Variants in CENPI observed in about 807,000 individuals in gnomAD.
The protein encoded by CENPI is FSH primary response 1.
A neutral mutation model predicts 60.4 loss-of-function variants in CENPI; 4 were observed. The observed-to-expected ratio is 0.07, with a 90% CI of 0.03 to 0.15. The LOEUF (loss-of-function observed/expected upper bound fraction) is 0.15. Among genes scored for constraint, CENPI ranks in the 10% least tolerant of loss-of-function variants. The probability of loss-of-function intolerance (pLI) is 1.00; values close to 1 mark genes in which losing one functional copy is unlikely to be tolerated. For synonymous variants in CENPI, 157 were observed against 189.4 expected, an observed-to-expected ratio of 0.83 and a Z score of 1.40; for missense variants, 444 against 534.5, an observed-to-expected ratio of 0.83 and a Z score of 1.67.
chrX:101,163,137 T>A lies in CENPI; in HGVS notation c.*170T>A. 1 of 460,731 alleles carries A rather than the reference T, an allele frequency of 2.2e-6. No homozygotes were observed. 38.0% of individuals were successfully genotyped at this position (460,731 alleles called of 1,213,427 possible). On this transcript the variant is annotated 3_prime_UTR_variant, in exon 22 of 22. Transcript: ENST00000682095. ...TTAGGAGAGCCTTGGTGTGCCTAAC[T>A]GATTTTTCAAAATTTAGATTTTTTT... is the stretch of plus-strand genomic sequence containing the variant.
chrX:101,168,785 C>T (rs2090150298), downstream of CENPI, among the ~76,000 whole-genome samples: 2 of 111,642 alleles, frequency 1.8e-5, no homozygotes, highest in Non-Finnish European at 3.8e-5. Context: ...AGCCACATCA[C>T]CAAATAAGTG....
chrX:101,098,328 A>G (rs1204951489), intron 1 of CENPI, 80 bp downstream of exon 1: 1 of 112,120 alleles, frequency 8.9e-6, no homozygotes, highest in African/African-American at 3.2e-5. Context: ...CTATCCTGCA[A>G]GGTGTGACTG....
intron 6 of CENPI, among the ~76,000 whole-genome samples, chrX:101,119,444 G>A (rs979653838): frequency 8.9e-6 from 1 of 111,899 alleles, no homozygotes; most frequent in Non-Finnish European, 1.9e-5. Flanking sequence ...TAAAGGGATA[G>A]GTAGTAAATA....
chrX:101,128,986 T>G, intron 12 of CENPI, 150 bp downstream of exon 12: 1 of 500,943 alleles, frequency 2.0e-6, no homozygotes, highest in Non-Finnish European at 3.2e-6. Context: ...GTTGTAATTT[T>G]AAGGCAGTAA....
chrX:101,126,466 T>A lies in CENPI; in HGVS notation c.688-243T>A, dbSNP rs1407450578. The stretch of plus-strand genomic sequence containing the variant: ...AAGGTATAGGAAGAGAAGAGAAAAA[T>A]ACAAGGAAGAAGTAAAGTTGGAAAA... On this transcript the variant is annotated intron_variant, in intron 8 of 21. Transcript: ENST00000682095. Among the ~76,000 whole-genome samples the A allele has an allele frequency of 2.7e-5, 3 of 111,350 alleles. No individual in the cohort carries two copies. In the Admixed American group the frequency reaches 2.9e-4, roughly 11 times the overall value.
chrX:101,137,266 G>A (rs1423248059), intron 15 of CENPI, among the ~76,000 whole-genome samples: 1 of 112,045 alleles, frequency 8.9e-6, no homozygotes, highest in East Asian at 2.8e-4. Flanking sequence ...ACAGTCTCGA[G>A]CATCTTCATG....
rs768577627 is a variant in CENPI, at chrX:101,124,676, G to T, written c.688-2033G>T. 4.5e-5 allele frequency among the ~76,000 whole-genome samples: 5 copies of T among 111,209 alleles called. No homozygotes were observed. The East Asian group carries it at 1.4e-3, about 32-fold the overall frequency. Reference sequence around the variant, plus strand: ...GGGCGGTTTCCCCCATGCTATTCTTGTGATAGTGAGTGAGTTCTCACGAGA... The same window carrying T: ...GGGCGGTTTCCCCCATGCTATTCTTTTGATAGTGAGTGAGTTCTCACGAGA... On this transcript the variant is annotated intron_variant, in intron 8 of 21. Coordinates refer to ENST00000682095, the MANE Select transcript of CENPI (RefSeq NM_001386188.2).
In CENPI at chrX:101,165,391, A is replaced by G. The variant is rs1408002955; in HGVS notation, c.*2424A>G. ...TGGATTCAGACTCTGTTTTGTAAGT[A>G]GAGAAGATAATGTCTGCTGATAGCT... On this transcript the variant is annotated 3_prime_UTR_variant, in exon 22 of 22. Coordinates refer to ENST00000682095, the MANE Select transcript of CENPI (RefSeq NM_001386188.2). Among the ~76,000 whole-genome samples, 1 of 111,556 alleles carries G rather than the reference A, an allele frequency of 9.0e-6. No homozygotes were observed. The highest frequency in any genetic ancestry group is 3.3e-5 in the African/African-American group (1 of 30,686).
intron 4 of CENPI, among the ~76,000 whole-genome samples, chrX:101,105,722 G>A (rs773108660): frequency 7.2e-5 from 8 of 111,089 alleles, no homozygotes; most frequent in Non-Finnish European, 1.1e-4. Flanking sequence ...CTACAGGTGC[G>A]TGCCACTGCA....
intron 18 of CENPI, among the ~76,000 whole-genome samples, chrX:101,146,819 C>T (rs1451157571): frequency 9.0e-6 from 1 of 111,170 alleles, no homozygotes; most frequent in African/African-American, 3.3e-5. Context: ...ACTGCAACCT[C>T]TGCCTCCCGG....
At chrX:101,152,440 A>G (rs978742364) in intron 20 of CENPI, among the ~76,000 whole-genome samples, 3 of 105,507 alleles carry the variant, frequency 2.8e-5, no homozygotes, top group Non-Finnish European at 3.9e-5. Flanking sequence ...TTTTTTTGAG[A>G]CAGTCTTGCT....
At chrX:101,171,847 A>G in the CENPI span, among the ~76,000 whole-genome samples, 1 of 112,158 alleles carries the variant, frequency 8.9e-6, no homozygotes, top group Non-Finnish European at 1.9e-5. Flanking sequence ...AATGAACTTT[A>G]TCATAGTTAA....
chrX:101,143,669 C>T (rs2089936575), intron 16 of CENPI, among the ~76,000 whole-genome samples: 1 of 112,178 alleles, frequency 8.9e-6, no homozygotes, highest in Admixed American at 9.4e-5. Flanking sequence ...TAACGGATTA[C>T]AGGCGTGCAC....
chrX:101,115,237 T>A (rs916249571), intron 6 of CENPI, among the ~76,000 whole-genome samples: 3 of 110,131 alleles, frequency 2.7e-5, no homozygotes, highest in Non-Finnish European at 5.7e-5. Context: ...GTGTTAGTAT[T>A]ACAGGCTTGA....
chrX:101,172,231 G>A, the CENPI span, among the ~76,000 whole-genome samples: 1 of 111,731 alleles, frequency 9.0e-6, no homozygotes, highest in South Asian at 3.8e-4. Context: ...CAGCCAGTTT[G>A]GAATAGAGTT....
Position 101,102,300 on chromosome X carries a change from G to T in CENPI, c.253G>T (p.Asp85Tyr). ...KGPIKASQNK[D>Y]KTLEKHLKTV... ...TCCCATTAAAGCTTCACAGAATAAA[G>T]ATAAAACCTTGGAAAAACACTTGAA... is the stretch of plus-strand genomic sequence containing the variant. The change falls in exon 4 of 22, where the codon GAT (aspartate) becomes TAT (tyrosine). Residue 85 changes from aspartate to tyrosine, a missense_variant. Coordinates refer to ENST00000682095, the MANE Select transcript of CENPI (RefSeq NM_001386188.2). The T allele has an allele frequency of 8.4e-7, 1 of 1,192,099 alleles. No individual in the cohort carries two copies. Among genetic ancestry groups the T allele is most frequent in the South Asian group, 1.8e-5 (1 of 54,582 alleles).
rs760455759 is a variant in CENPI at position 101,147,803 on chromosome X, G to C, written c.1867G>C (p.Val623Leu). ...GACTGCCGCAAAGAAAAATGAGTTG[G>C]TACAAAAGGTATGAATGAGAAAGCT... Reference protein sequence around the residue: ...NLTAAKKNELVQKTKSEFNFS... With the variant: ...NLTAAKKNELLQKTKSEFNFS... The change falls in exon 19 of 22, where the codon GTA becomes CTA. Residue 623 changes from valine (V) to leucine (L), a missense_variant. By Grantham distance (32) the Val-to-Leu change is conservative. Coordinates refer to ENST00000682095, the MANE Select transcript of CENPI (RefSeq NM_001386188.2). The C allele has an allele frequency of 8.3e-7, 1 of 1,203,108 alleles. No individual in the cohort carries two copies. Among genetic ancestry groups the C allele is most frequent in the Non-Finnish European group, 1.1e-6 (1 of 890,760 alleles).
At chrX:101,104,613 C>A (rs138492844) in intron 4 of CENPI, among the ~76,000 whole-genome samples, 6,214 of 111,035 alleles carry the variant, frequency 0.056, 207 homozygotes, top group Middle Eastern at 0.097. Context: ...ATAATCCCAG[C>A]ACTTTGAGGG....
At chrX:101,175,221 C>T in the CENPI span, among the ~76,000 whole-genome samples, 2 of 112,479 alleles carry the variant, frequency 1.8e-5, no homozygotes, top group Non-Finnish European at 3.8e-5. Flanking sequence ...CCCATTTTTA[C>T]GATACTCTGT....
Sources: gnomAD v4.1 joint callset for allele counts (sites outside exome capture counted in the v4.1 genomes callset) on GRCh38, gnomAD v4.1.1 for gene constraint, MANE v1.5 for transcripts, NCBI Gene and HGNC (gene_info 2026-07-23, HGNC 2026-07-21) for gene names.